GRAMD1C: variants seen among roughly 807,000 people sequenced by gnomAD.
GRAMD1C encodes the protein GRAM domain containing 1C, also known as protein Aster-C.
GRAMD1C carries 89 observed loss-of-function variants against 97.8 expected under a neutral mutation model. The observed-to-expected ratio is 0.91, with a 90% CI of 0.77 to 1.09. The LOEUF (loss-of-function observed/expected upper bound fraction) is 1.09. Ranked by LOEUF, GRAMD1C falls within the 50% of genes least tolerant of loss-of-function variation. The probability of loss-of-function intolerance (pLI) is 0.00; values close to 1 mark genes in which losing one functional copy is unlikely to be tolerated. For missense variants in GRAMD1C, 740 were observed against 766.4 expected (o/e 0.97, Z 0.41); for synonymous variants, 256 against 267.0 (o/e 0.96, Z 0.40).
At chr3:113,933,262 C>G (rs540129720) in intron 11 of GRAMD1C, among the ~76,000 whole-genome samples, 40 of 152,202 alleles carry the variant, frequency 2.6e-4, no homozygotes, top group Admixed American at 5.2e-4. Context: ...GAATTCCTGA[C>G]CTTAAGCAAT....
intron 10 of GRAMD1C, among the ~76,000 whole-genome samples, chr3:113,921,687 G>A (rs1248955327): frequency 6.6e-6 from 1 of 152,280 alleles, no homozygotes; most frequent in East Asian, 1.9e-4. Flanking sequence ...ACTGTGGTTT[G>A]ATTTGCATTT....
At chr3:113,916,029 T>G (rs1463057006) in intron 10 of GRAMD1C, among the ~76,000 whole-genome samples, 191 bp downstream of exon 10, 1 of 152,258 alleles carries the variant, frequency 6.6e-6, no homozygotes, top group Non-Finnish European at 1.5e-5. Flanking sequence ...AATTATTTAA[T>G]TAGGCACATG....
chr3:113,870,583 T>C (rs1934763427), intron 3 of GRAMD1C, among the ~76,000 whole-genome samples: 2 of 152,092 alleles, frequency 1.3e-5, no homozygotes. Context: ...AAGAGTGGAA[T>C]TGGGATGTTT....
At chr3:113,852,562 A>G (rs558366453) in intron 2 of GRAMD1C, among the ~76,000 whole-genome samples, 1 of 152,146 alleles carries the variant, frequency 6.6e-6, no homozygotes, top group Non-Finnish European at 1.5e-5. Flanking sequence ...ACTTTTTTTT[A>G]ATAATGAATG....
chr3:113,939,526 C>T (rs1937665666), intron 15 of GRAMD1C: 1 of 161,544 alleles, frequency 6.2e-6, no homozygotes, highest in Non-Finnish European at 1.3e-5. Flanking sequence ...GCCAAAGGCA[C>T]CCAAAAATAG....
intron 2 of GRAMD1C, among the ~76,000 whole-genome samples, chr3:113,860,379 A>C (rs1279432701): frequency 6.6e-6 from 1 of 152,196 alleles, no homozygotes; most frequent in Admixed American, 6.5e-5. Context: ...AAGATATTTA[A>C]AAAGACATTA....
intron 2 of GRAMD1C, among the ~76,000 whole-genome samples, chr3:113,845,597 C>G (rs1933573324): frequency 6.6e-6 from 1 of 151,950 alleles, no homozygotes; most frequent in Admixed American, 6.6e-5. Flanking sequence ...CCCAGCTACT[C>G]AGGAGGCTGA....
At chr3:113,899,149 A>G (rs1013043418) in intron 6 of GRAMD1C, among the ~76,000 whole-genome samples, 1 of 152,150 alleles carries the variant, frequency 6.6e-6, no homozygotes, top group Admixed American at 6.5e-5. Context: ...CGCAACTTAA[A>G]ATTTTTATTT....
At chr3:113,865,941 A>T (rs1199931412) in intron 2 of GRAMD1C, among the ~76,000 whole-genome samples, 7 of 152,138 alleles carry the variant, frequency 4.6e-5, no homozygotes, top group Non-Finnish European at 1.0e-4. Flanking sequence ...GTTCATAGAG[A>T]ACATAGTTTA....
chr3:113,873,051 C>T (rs966168289), intron 3 of GRAMD1C, among the ~76,000 whole-genome samples: 1 of 143,532 alleles, frequency 7.0e-6, no homozygotes, highest in African/African-American at 2.6e-5. Flanking sequence ...TGAGATCACG[C>T]CACTGCACTC....
rs1363997904 is a variant in GRAMD1C, at chr3:113,940,313, G to A, written c.1876G>A (p.Val626Met). 3 of 1,604,590 alleles carry A rather than the reference G, an allele frequency of 1.9e-6. No individual in the cohort carries two copies. Among genetic ancestry groups the A allele is most frequent in the South Asian group, 2.2e-5 (2 of 90,896 alleles). ...AGATCAGGCCCATCGTTTAAAGGGAGTGCTCCGAGACTCCATAGTGATGCT... is the reference window on the plus strand; with the variant it reads ...AGATCAGGCCCATCGTTTAAAGGGAATGCTCCGAGACTCCATAGTGATGCT... ...NKDQAHRLKG[V>M]LRDSIVMLEQ... Residue 626 changes from valine to methionine, a missense_variant, in exon 17 of 18, where the codon GTG becomes ATG. Physicochemically the swap from Val to Met is conservative, Grantham distance 21. Coordinates refer to ENST00000358160, the MANE Select transcript of GRAMD1C (RefSeq NM_017577.5).
chr3:113,892,044 A>G (rs1476044004), intron 6 of GRAMD1C, among the ~76,000 whole-genome samples: 5 of 152,100 alleles, frequency 3.3e-5, no homozygotes, highest in African/African-American at 4.8e-5. Flanking sequence ...ATAAAATGAT[A>G]GTAAAATTAT....
intron 2 of GRAMD1C, among the ~76,000 whole-genome samples, chr3:113,868,869 C>T (rs984705057): frequency 1.3e-5 from 2 of 152,114 alleles, no homozygotes; most frequent in Non-Finnish European, 2.9e-5. Flanking sequence ...ACTAGTTTAT[C>T]AGGCCCATCT....
Position 113,904,417 on chromosome 3 carries a change from G to T in GRAMD1C, c.789+145G>T. The T allele has an allele frequency of 5.0e-6, 3 of 595,954 alleles. No individual in the cohort carries two copies. The South Asian group carries it at 7.3e-5, about 15-fold the overall frequency. The allele number at this position is 595,954 out of a possible 1,614,324, so 36.9% of individuals were successfully genotyped here. ...ATTTTAGGAAAAAAGTTTAAAGTCTGTTAGTAGCAGAGATTATGTGGGAAA... is the reference window on the plus strand; with the variant it reads ...ATTTTAGGAAAAAAGTTTAAAGTCTTTTAGTAGCAGAGATTATGTGGGAAA... On this transcript the variant is annotated intron_variant, in intron 8 of 17. Transcript: ENST00000358160.
chr3:113,928,711 G>C (rs181780802), intron 10 of GRAMD1C, among the ~76,000 whole-genome samples: 1 of 152,228 alleles, frequency 6.6e-6, no homozygotes, highest in South Asian at 2.1e-4. Context: ...TGCATAAGTG[G>C]AATAATACAA....
At chr3:113,913,023 A>C (rs1559810989) in intron 9 of GRAMD1C, 2 of 615,628 alleles carry the variant, frequency 3.2e-6, no homozygotes, top group Non-Finnish European at 2.6e-6. Context: ...GGAAAGATGA[A>C]GGGTAACATA....
At chr3:113,872,786 C>G (rs80041286) in intron 3 of GRAMD1C, among the ~76,000 whole-genome samples, 17,414 of 151,016 alleles carry the variant, frequency 0.12, 1,345 homozygotes, top group African/African-American at 0.21. Context: ...TTAAAAACCA[C>G]TGACGCTGGG....
At chr3:113,842,911 C>T (rs2399491) in intron 1 of GRAMD1C, among the ~76,000 whole-genome samples, 70,101 of 150,576 alleles carry the variant, frequency 0.47, 16,477 homozygotes, top group African/African-American at 0.51. Flanking sequence ...TGCAGTGAGC[C>T]GAGATCACGC....
intron 1 of GRAMD1C, among the ~76,000 whole-genome samples, chr3:113,831,313 G>C (rs182791941): frequency 6.6e-6 from 1 of 152,030 alleles, no homozygotes; most frequent in African/African-American, 2.4e-5. Context: ...CCTTTTATGA[G>C]TTTGATGTTT....
Sources: allele counts gnomAD v4.1 joint callset (sites outside exome capture counted in the v4.1 genomes callset), GRCh38; gene constraint gnomAD v4.1.1; transcripts MANE v1.5; gene names NCBI Gene and HGNC (gene_info 2026-07-23, HGNC 2026-07-21).